Variants in DENND2B observed in about 807,000 individuals in gnomAD.
DENND2B encodes DENN domain containing 2B.
Under a neutral mutation model 116.0 loss-of-function variants are expected in DENND2B, and 32 were observed. The observed-to-expected ratio is 0.28, with a 90% CI of 0.21 to 0.37. The LOEUF (loss-of-function observed/expected upper bound fraction) is 0.37. Ranked by LOEUF, DENND2B falls within the 10% of genes least tolerant of loss-of-function variation. DENND2B has a pLI of 1.00. For synonymous variants in DENND2B, 588 were observed against 583.9 expected (o/e 1.01, Z -0.10); for missense variants, 1,276 against 1,477.7 (o/e 0.86, Z 2.24).
intron 1 of DENND2B, among the ~76,000 whole-genome samples, chr11:8,756,398 G>T (rs536650825): frequency 2.0e-5 from 3 of 152,286 alleles, no homozygotes; most frequent in African/African-American, 7.2e-5. Flanking sequence ...AACCAAGAAA[G>T]AAGCAGAACA....
At chr11:8,837,926 G>A (rs2062491678) in intron 4 of DENND2B, among the ~76,000 whole-genome samples, 1 of 152,186 alleles carries the variant, frequency 6.6e-6, no homozygotes, top group Non-Finnish European at 1.5e-5. Flanking sequence ...GGAGGTGGAA[G>A]GTGGGAAGAA....
chr11:8,735,488 C>T (rs1435575825), intron 2 of DENND2B, among the ~76,000 whole-genome samples: 9 of 152,244 alleles, frequency 5.9e-5, no homozygotes. Flanking sequence ...TGATTTGCTC[C>T]ACGGCAGCAG....
At chr11:8,828,993 GGTGTGTGTGTA>G (rs1365343847) in intron 4 of DENND2B, among the ~76,000 whole-genome samples, 2 of 149,982 alleles carry the variant, frequency 1.3e-5, no homozygotes, top group South Asian at 2.2e-4. Context: ...GCATGTGTGT[GGTGTGTGTGTA>G]GTATGTGTGG....
At chr11:8,898,533 AG>A (rs2064129082) in intron 1 of DENND2B, among the ~76,000 whole-genome samples, 1 of 152,230 alleles carries the variant, frequency 6.6e-6, no homozygotes, top group Admixed American at 6.5e-5. Context: ...AAAAATCCTT[AG>A]GTAGGGATGG....
chr11:8,837,349 C>T (rs1386896527), intron 4 of DENND2B, among the ~76,000 whole-genome samples: 1 of 150,444 alleles, frequency 6.6e-6, no homozygotes, highest in Non-Finnish European at 1.5e-5. Context: ...CAGTTGTTTC[C>T]CTTTATTTTT....
intron 16 of DENND2B, among the ~76,000 whole-genome samples, chr11:8,698,526 G>C (rs1345428074): frequency 6.6e-6 from 1 of 152,202 alleles, no homozygotes; most frequent in African/African-American, 2.4e-5. Flanking sequence ...TGACAACAAT[G>C]ATTGCAAACC....
intron 4 of DENND2B, among the ~76,000 whole-genome samples, chr11:8,823,134 C>G (rs867821840): frequency 6.6e-5 from 10 of 151,844 alleles, no homozygotes; most frequent in African/African-American, 2.4e-4. Context: ...CATATTTACA[C>G]AATATATATT....
At chr11:8,710,789 A>C in intron 11 of DENND2B, 56 bp downstream of exon 11, 2 of 1,388,290 alleles carry the variant, frequency 1.4e-6, no homozygotes, top group Non-Finnish European at 1.0e-6. Context: ...ACACACACAC[A>C]CACACCCTGG....
intron 2 of DENND2B, among the ~76,000 whole-genome samples, chr11:8,858,782 T>G (rs1302449494): frequency 2.0e-5 from 3 of 152,192 alleles, no homozygotes; most frequent in African/African-American, 7.2e-5. Flanking sequence ...ACTAGGTCAT[T>G]TCCTGGCTCT....
intron 1 of DENND2B, among the ~76,000 whole-genome samples, chr11:8,772,590 A>G (rs1186076014): frequency 6.6e-6 from 1 of 152,198 alleles, no homozygotes; most frequent in East Asian, 1.9e-4. Flanking sequence ...TACTAATAGT[A>G]GAGTGAGTGT....
At chr11:8,858,122 G>A (rs996648321) in intron 2 of DENND2B, among the ~76,000 whole-genome samples, 8 of 152,170 alleles carry the variant, frequency 5.3e-5, no homozygotes, top group African/African-American at 1.9e-4. Flanking sequence ...CCAGGCTGTA[G>A]TTATCACCTG....
At chr11:8,858,643 T>C (rs2063280735) in intron 2 of DENND2B, among the ~76,000 whole-genome samples, 1 of 152,156 alleles carries the variant, frequency 6.6e-6, no homozygotes, top group African/African-American at 2.4e-5. Flanking sequence ...TAGCATTCCA[T>C]ATGAGGGTAA....
chr11:8,753,551 G>T (rs2052961852), intron 1 of DENND2B, among the ~76,000 whole-genome samples: 1 of 152,092 alleles, frequency 6.6e-6, no homozygotes, highest in Non-Finnish European at 1.5e-5. Flanking sequence ...TTCAGAAATT[G>T]ACAAGCTGAT....
chr11:8,717,973 A>T (rs1275178914), intron 4 of DENND2B, 81 bp from the exon 5 acceptor site: 16 of 1,517,572 alleles, frequency 1.1e-5, no homozygotes, highest in Non-Finnish European at 1.2e-5. Context: ...ATAAACAAGC[A>T]GAATTCCTGT....
chr11:8,731,214 G>A lies in DENND2B; in HGVS notation c.81-5C>T, dbSNP rs762795981. 6 of 1,483,772 alleles carry A rather than the reference G, an allele frequency of 4.0e-6. No individual in the cohort carries two copies. The highest frequency in any genetic ancestry group is 1.4e-5 in the South Asian group (1 of 70,940). 91.9% of individuals were successfully genotyped at this position (1,483,772 alleles called of 1,614,324 possible). A position where few individuals can be genotyped will look rare whatever the true frequency, so the allele number is the denominator to read the frequency against. ...GGTGGAGAGACTGACTGAGACCTGG[G>A]GGCAAAACAAAACAAAGGAAAAGAA... is the stretch of plus-strand genomic sequence containing the variant. On this transcript the variant is annotated splice_polypyrimidine_tract_variant and splice_region_variant and intron_variant, in intron 2 of 19. Transcript: ENST00000313726.
intron 1 of DENND2B, among the ~76,000 whole-genome samples, chr11:8,754,035 A>ACACG (rs2053140488): frequency 1.4e-5 from 2 of 146,020 alleles, no homozygotes; most frequent in South Asian, 2.2e-4. Flanking sequence ...GCGCGCACAC[A>ACACG]CACACACACA....
chr11:8,801,089 T>C (rs2060268018), intron 1 of DENND2B, among the ~76,000 whole-genome samples: 1 of 151,580 alleles, frequency 6.6e-6, no homozygotes, highest in African/African-American at 2.4e-5. Flanking sequence ...GCCTTCCCAA[T>C]TCCCATTCTG....
At chr11:8,822,282 T>C (rs2061795911) in intron 4 of DENND2B, among the ~76,000 whole-genome samples, 1 of 152,198 alleles carries the variant, frequency 6.6e-6, no homozygotes, top group African/African-American at 2.4e-5. Context: ...TAATACACTG[T>C]GAAACAACTA....
chr11:8,910,632 A>AGT (rs375346719), intron 1 of DENND2B, among the ~76,000 whole-genome samples: 1 of 64,132 alleles, frequency 1.6e-5, no homozygotes, highest in Admixed American at 1.7e-4. Flanking sequence ...ACTCCTGGCT[A>AGT]GTGTGTGTGT....
Sources: allele counts gnomAD v4.1 joint callset (sites outside exome capture counted in the v4.1 genomes callset), GRCh38; gene constraint gnomAD v4.1.1; transcripts MANE v1.5; gene names NCBI Gene and HGNC (gene_info 2026-07-23, HGNC 2026-07-21).